Variants in LOXHD1 observed in about 807,000 individuals in gnomAD.
LOXHD1 encodes the protein lipoxygenase homology PLAT domains 1, also known as lipoxygenase homology domain-containing protein 1.
LOXHD1 carries 205 observed loss-of-function variants against 248.2 expected under a neutral mutation model. The ratio of observed to expected loss-of-function variants is 0.83; its 90% CI spans 0.74 to 0.93. The LOEUF (loss-of-function observed/expected upper bound fraction) is 0.93. LOXHD1 is among the 40% of genes least tolerant of loss of function. LOXHD1 has a pLI of 0.00. For synonymous variants in LOXHD1, 1,113 were observed against 1,162.8 expected (o/e 0.96, Z 0.87); for missense variants, 2,930 against 2,971.6 (o/e 0.99, Z 0.33).
At chr18:46,486,665 G>A (rs551425262) in intron 38 of LOXHD1, among the ~76,000 whole-genome samples, 2 of 152,232 alleles carry the variant, frequency 1.3e-5, no homozygotes, top group East Asian at 3.9e-4. Context: ...TCCTGGGTGT[G>A]GTTAGGGAAA....
intron 29 of LOXHD1, among the ~76,000 whole-genome samples, chr18:46,528,080 T>C (rs1303777496): frequency 6.6e-6 from 1 of 152,116 alleles, no homozygotes; most frequent in Non-Finnish European, 1.5e-5. Flanking sequence ...TCCTCACTAG[T>C]AGAGTGGTTC....
At chr18:46,583,883 T>G (rs1022696022) in intron 12 of LOXHD1, among the ~76,000 whole-genome samples, 1 of 152,056 alleles carries the variant, frequency 6.6e-6, no homozygotes, top group Non-Finnish European at 1.5e-5. Context: ...TGACAAGATA[T>G]CTGTACTCTC....
At chr18:46,554,689 G>A (rs1598990219) in intron 21 of LOXHD1, among the ~76,000 whole-genome samples, 1 of 151,388 alleles carries the variant, frequency 6.6e-6, no homozygotes, top group African/African-American at 2.4e-5. Context: ...AGTGGAGGGA[G>A]GAAGAAAGAA....
intron 29 of LOXHD1, among the ~76,000 whole-genome samples, chr18:46,528,916 G>T (rs183975747): frequency 6.6e-6 from 1 of 152,016 alleles, no homozygotes; most frequent in African/African-American, 2.4e-5. Flanking sequence ...CAACAACCTC[G>T]AGCTCCAGCA....
Position 46,538,289 on chromosome 18 carries a change from C to T in LOXHD1, c.3962G>A (p.Gly1321Glu). The change falls in exon 26 of 41, where the codon GGG (glycine) becomes GAG (glutamate). Residue 1321 changes from glycine to glutamate, a missense_variant. Gly to Glu is a moderately conservative substitution (Grantham distance 98, BLOSUM62 -2). Transcript: ENST00000642948. The stretch of plus-strand genomic sequence containing the variant: ...GATGATGAAGATGTTGGCATCTGTC[C>T]CAGCAGCAAAGACATCACTGGTGTA... ...TLYTSDVFAA[G>E]TDANIFIIIY... 6.4e-7 allele frequency: 1 copy of T among 1,551,474 alleles called. No individual in the cohort carries two copies. Among genetic ancestry groups the T allele is most frequent in the Non-Finnish European group, 8.7e-7 (1 of 1,146,804 alleles).
At chr18:46,480,235 CTCTT>C (rs1271674474) in intron 40 of LOXHD1, among the ~76,000 whole-genome samples, 4 of 152,068 alleles carry the variant, frequency 2.6e-5, no homozygotes, top group Admixed American at 6.5e-5. Context: ...TTGCTTGGCT[CTCTT>C]TCTTTCTCCT....
At chr18:46,602,962 C>T (rs188287173) in intron 7 of LOXHD1, among the ~76,000 whole-genome samples, 2 of 152,148 alleles carry the variant, frequency 1.3e-5, no homozygotes, top group East Asian at 1.9e-4. Context: ...TAATTCTATT[C>T]GAGTATGTTT....
At chr18:46,488,929 C>T in intron 38 of LOXHD1, 43 bp downstream of exon 38, 1 of 1,534,980 alleles carries the variant, frequency 6.5e-7, no homozygotes, top group Non-Finnish European at 8.8e-7. Context: ...ATTCCAGCAC[C>T]ATTCCCTGCC....
At chr18:46,624,413 G>A (rs898724340) in intron 4 of LOXHD1, among the ~76,000 whole-genome samples, 2 of 152,200 alleles carry the variant, frequency 1.3e-5, no homozygotes, top group South Asian at 4.1e-4. Context: ...ATGTGGGGAG[G>A]GGTTGGTCCG....
chr18:46,608,695 A>G (rs1348640492), intron 6 of LOXHD1, among the ~76,000 whole-genome samples: 2 of 152,340 alleles, frequency 1.3e-5, no homozygotes, highest in East Asian at 1.9e-4. Flanking sequence ...CAATCCAAGC[A>G]GCAGTTCCAC....
At chr18:46,549,922 C>T (rs1441827115) in intron 21 of LOXHD1, among the ~76,000 whole-genome samples, 4 of 152,164 alleles carry the variant, frequency 2.6e-5, no homozygotes, top group Non-Finnish European at 4.4e-5. Flanking sequence ...TAAACATATT[C>T]CCAGCTTTTT....
intron 4 of LOXHD1, among the ~76,000 whole-genome samples, chr18:46,628,644 GT>G (rs2038778351): frequency 6.6e-6 from 1 of 152,154 alleles, no homozygotes; most frequent in Non-Finnish European, 1.5e-5. Flanking sequence ...TTTCTGAGAG[GT>G]TAGAATCTTA....
intron 31 of LOXHD1, 116 bp from the exon 32 acceptor site, chr18:46,522,425 G>T: frequency 1.2e-6 from 1 of 802,788 alleles, no homozygotes. Context: ...TCCTTGCTCA[G>T]AGACAAAGTG....
At chr18:46,618,342 AAT>A in intron 4 of LOXHD1, 52 bp from the exon 5 acceptor site, 1 of 1,271,278 alleles carries the variant, frequency 7.9e-7, no homozygotes, top group Non-Finnish European at 1.1e-6. Context: ...CTGAAAAGAG[AAT>A]AGAGGCCCCA....
chr18:46,586,921 G>C (rs1301581751), intron 12 of LOXHD1, among the ~76,000 whole-genome samples: 1 of 152,176 alleles, frequency 6.6e-6, no homozygotes, highest in Non-Finnish European at 1.5e-5. Context: ...AAAATAATTT[G>C]ACCATGAAAC....
chr18:46,560,293 C>T lies in LOXHD1; in HGVS notation c.2851G>A (p.Glu951Lys), dbSNP rs138190875. The T allele has an allele frequency of 9.8e-5, 152 of 1,550,194 alleles. No individual in the cohort carries two copies. In the East Asian group the frequency reaches 3.4e-3, roughly 35 times the overall value. Residue 951 changes from glutamate to lysine, a missense_variant, in exon 19 of 41, where the codon GAG (glutamate) becomes AAG (lysine). Physicochemically the swap from Glu to Lys is moderately conservative, Grantham distance 56. Transcript: ENST00000642948. ...KKRKGSDEED[E>K]GEEEESSSSE... ...GAGGACGACTCCTCTTCCTCCCCCT[C>T]GTCCTCTTCGTCGCTGCCCTTCCTC... is the stretch of plus-strand genomic sequence containing the variant.
intron 12 of LOXHD1, among the ~76,000 whole-genome samples, chr18:46,589,918 G>A (rs2038134443): frequency 6.6e-6 from 1 of 152,276 alleles, no homozygotes; most frequent in Non-Finnish European, 1.5e-5. Context: ...TGGAAGTAAA[G>A]AACATTCTGG....
Position 46,524,836 on chromosome 18 carries a change from C to T in LOXHD1, c.4612G>A (p.Ala1538Thr), listed in dbSNP as rs576255815. ...KLRHDNSKWC[A>T]DWYVEKVEIW... ...TCCACCTTCTCCACGTACCAGTCTG[C>T]GCACCACTTGGAGTTGTCATGGCGG... Residue 1538 changes from alanine (A) to threonine (T), a missense_variant, in exon 30 of 41, where the codon GCA becomes ACA. By Grantham distance (58) the Ala-to-Thr change is moderately conservative. Coordinates refer to ENST00000642948, the MANE Select transcript of LOXHD1 (RefSeq NM_001384474.1). The T allele has an allele frequency of 7.1e-5, 110 of 1,551,652 alleles. No individual in the cohort carries two copies. The East Asian group carries it at 1.8e-3, about 25-fold the overall frequency.
chr18:46,493,191 C>G (rs1293910914), intron 37 of LOXHD1, among the ~76,000 whole-genome samples: 1 of 152,150 alleles, frequency 6.6e-6, no homozygotes, highest in Non-Finnish European at 1.5e-5. Flanking sequence ...TTGCATCTAC[C>G]ATTCTGTCTG....
Sources: allele counts gnomAD v4.1 joint callset (sites outside exome capture counted in the v4.1 genomes callset), GRCh38; gene constraint gnomAD v4.1.1; transcripts MANE v1.5; gene names NCBI Gene and HGNC (gene_info 2026-07-23, HGNC 2026-07-21).